The following PLEKHA5 variants were observed in gnomAD, a reference collection of about 807,000 sequenced individuals.
PLEKHA5 encodes pleckstrin homology domain-containing family A member 5.
In PLEKHA5, 55 loss-of-function variants were observed where a neutral mutation model predicts 181.9. That is an observed-to-expected ratio of 0.30 (90% CI 0.24 to 0.38). The LOEUF (loss-of-function observed/expected upper bound fraction) is 0.38, where lower values mean the gene tolerates loss of function less well. Among genes scored for constraint, PLEKHA5 ranks in the 10% least tolerant of loss-of-function variants. The pLI, the probability that PLEKHA5 is intolerant of heterozygous loss-of-function variation, is 1.00. For missense variants in PLEKHA5, 1,432 were observed against 1,549.5 expected, an observed-to-expected ratio of 0.92 and a Z score of 1.27; for synonymous variants, 535 against 529.4, an observed-to-expected ratio of 1.01 and a Z score of -0.15.
At chr12:19,331,167 A>T (rs1451282438) in intron 20 of PLEKHA5, among the ~76,000 whole-genome samples, 1 of 152,202 alleles carries the variant, frequency 6.6e-6, no homozygotes, top group Non-Finnish European at 1.5e-5. Context: ...CTGTAGTCTT[A>T]CAATATTTAC....
intron 3 of PLEKHA5, among the ~76,000 whole-genome samples, chr12:19,206,969 A>C (rs1724592097): frequency 6.6e-6 from 1 of 152,190 alleles, no homozygotes; most frequent in African/African-American, 2.4e-5. Flanking sequence ...ACAAAGATTC[A>C]TGAGGGGATA....
intron 3 of PLEKHA5, among the ~76,000 whole-genome samples, chr12:19,145,972 A>C (rs2038823133): frequency 6.6e-6 from 1 of 152,236 alleles, no homozygotes; most frequent in Non-Finnish European, 1.5e-5. Flanking sequence ...TTACAAAAGT[A>C]ATAATATGAC....
chr12:19,368,361 G>T (rs1592662727), intron 30 of PLEKHA5, among the ~76,000 whole-genome samples: 1 of 152,178 alleles, frequency 6.6e-6, no homozygotes, highest in East Asian at 1.9e-4. Context: ...TAGCCGGATG[G>T]GATGGCACTA....
chr12:19,228,189 A>G (rs1431647533), intron 3 of PLEKHA5, among the ~76,000 whole-genome samples: 1 of 152,216 alleles, frequency 6.6e-6, no homozygotes, highest in East Asian at 1.9e-4. Flanking sequence ...TCCTTTGATT[A>G]TAACCCTTGT....
chr12:19,335,572 C>T (rs528653009), intron 20 of PLEKHA5, among the ~76,000 whole-genome samples: 3 of 140,082 alleles, frequency 2.1e-5, no homozygotes, highest in East Asian at 2.1e-4. Context: ...CCTGCCACTG[C>T]GCCTGGCTAA....
chr12:19,317,630 A>G (rs1029172867), intron 16 of PLEKHA5, among the ~76,000 whole-genome samples: 3 of 152,050 alleles, frequency 2.0e-5, no homozygotes, highest in Non-Finnish European at 2.9e-5. Flanking sequence ...TAAAATATAT[A>G]TAGTCCACAT....
At chr12:19,164,226 T>G (rs1428867937) in intron 3 of PLEKHA5, among the ~76,000 whole-genome samples, 5 of 131,176 alleles carry the variant, frequency 3.8e-5, no homozygotes, top group African/African-American at 5.7e-5. Flanking sequence ...TGAGATGGAG[T>G]CTCTCTCTGT....
chr12:19,296,087 A>C (rs2152877208), intron 15 of PLEKHA5, among the ~76,000 whole-genome samples: 1 of 151,858 alleles, frequency 6.6e-6, no homozygotes, highest in African/African-American at 2.4e-5. Flanking sequence ...CACAAAAATT[A>C]GCCAGGCATG....
intron 11 of PLEKHA5, 131 bp from the exon 12 acceptor site, chr12:19,283,149 C>CAAAA (rs34391812): frequency 0.013 from 2,688 of 201,660 alleles, 6 homozygotes; most frequent in South Asian, 0.016. Context: ...TCTTGTCTCC[C>CAAAA]AAAAAAAAAA....
chr12:19,139,211 T>A (rs2036589358), intron 3 of PLEKHA5, among the ~76,000 whole-genome samples: 1 of 152,120 alleles, frequency 6.6e-6, no homozygotes, highest in Non-Finnish European at 1.5e-5. Context: ...CTCAAAGCCT[T>A]TGTGTCTGAG....
At chr12:19,337,126 C>T (rs1235426049) in intron 21 of PLEKHA5, among the ~76,000 whole-genome samples, 6 of 151,120 alleles carry the variant, frequency 4.0e-5, no homozygotes, top group African/African-American at 1.5e-4. Flanking sequence ...TAGCTGGGAT[C>T]ACAGGCATGC....
At chr12:19,361,110 T>TA (rs1405369311) in intron 28 of PLEKHA5, among the ~76,000 whole-genome samples, 1 of 152,166 alleles carries the variant, frequency 6.6e-6, no homozygotes, top group Non-Finnish European at 1.5e-5. Flanking sequence ...AGAATGTTAA[T>TA]ATTATTAATA....
chr12:19,149,522 A>T (rs1415429060), intron 3 of PLEKHA5: 1 of 150,842 alleles, frequency 6.6e-6, no homozygotes, highest in Non-Finnish European at 1.5e-5. Flanking sequence ...AAAAAAAAAA[A>T]AGAAAAGAAA....
chr12:19,336,714 C>T (rs1279642606), intron 21 of PLEKHA5, 98 bp downstream of exon 21: 1 of 658,366 alleles, frequency 1.5e-6, no homozygotes, highest in African/African-American at 1.9e-5. Flanking sequence ...ACAGTTTTTA[C>T]ATTATTGGCT....
chr12:19,246,000 A>G (rs1397693211), intron 3 of PLEKHA5, among the ~76,000 whole-genome samples: 1 of 140,212 alleles, frequency 7.1e-6, no homozygotes, highest in African/African-American at 2.7e-5. Flanking sequence ...CCTTTTTTTG[A>G]CAGAGTCTCA....
At chr12:19,188,254 G>T (rs1011115746) in intron 3 of PLEKHA5, among the ~76,000 whole-genome samples, 3 of 152,122 alleles carry the variant, frequency 2.0e-5, no homozygotes, top group African/African-American at 7.2e-5. Flanking sequence ...TAAGGACTTT[G>T]AAGTAGAATT....
chr12:19,180,820 A>G (rs900036826), intron 3 of PLEKHA5, among the ~76,000 whole-genome samples: 8 of 151,660 alleles, frequency 5.3e-5, no homozygotes, highest in African/African-American at 1.7e-4. Context: ...ACTGTATTCC[A>G]AAGCCGATTC....
intron 11 of PLEKHA5, among the ~76,000 whole-genome samples, chr12:19,276,642 G>A (rs968446726): frequency 1.4e-4 from 22 of 152,336 alleles, no homozygotes; most frequent in African/African-American, 5.3e-4. Flanking sequence ...AGTGAGCCAG[G>A]ATCGTGCCAC....
chr12:19,360,236 G>A (rs1175462562), intron 28 of PLEKHA5, among the ~76,000 whole-genome samples: 1 of 151,802 alleles, frequency 6.6e-6, no homozygotes, highest in Non-Finnish European at 1.5e-5. Flanking sequence ...GGGAAGCTGA[G>A]GTGGGAGGAT....
Sources: allele counts gnomAD v4.1 joint callset (sites outside exome capture counted in the v4.1 genomes callset), GRCh38; gene constraint gnomAD v4.1.1; transcripts MANE v1.5; gene names NCBI Gene and HGNC (gene_info 2026-07-23, HGNC 2026-07-21).